The following DLG2 variants were observed in gnomAD, a reference collection of about 807,000 sequenced individuals.
DLG2 encodes the protein discs large MAGUK scaffold protein 2, also known as disks large homolog 2.
DLG2 carries 45 observed loss-of-function variants against 132.5 expected under a neutral mutation model. The observed-to-expected ratio is 0.34, with a 90% confidence interval of 0.27 to 0.44. The LOEUF is 0.44. DLG2 is among the 20% of genes least tolerant of loss of function. The pLI is 1.00. For missense variants in DLG2, 1,045 were observed against 1,196.9 expected (o/e 0.87, Z 1.87); for synonymous variants, 424 against 419.6 (o/e 1.01, Z -0.13).
chr11:85,320,607 T>C (rs1278285951), intron 3 of DLG2, among the ~76,000 whole-genome samples: 1 of 151,644 alleles, frequency 6.6e-6, no homozygotes, highest in African/African-American at 2.4e-5. Context: ...TGGAGAAAAA[T>C]TCAAGAGGTG....
chr11:84,131,386 G>A (rs756144354), intron 9 of DLG2, among the ~76,000 whole-genome samples: 10 of 151,950 alleles, frequency 6.6e-5, no homozygotes, highest in Non-Finnish European at 1.5e-4. Context: ...TTGCGTACTT[G>A]TATGAATGTT....
chr11:85,278,110 AT>A (rs2078004721), intron 4 of DLG2, among the ~76,000 whole-genome samples: 1 of 152,226 alleles, frequency 6.6e-6, no homozygotes, highest in Non-Finnish European at 1.5e-5. Flanking sequence ...TTCACTATTT[AT>A]AAAACCTTTC....
chr11:85,441,767 C>A (rs1334800405), intron 3 of DLG2, among the ~76,000 whole-genome samples: 1 of 152,030 alleles, frequency 6.6e-6, no homozygotes, highest in Non-Finnish European at 1.5e-5. Flanking sequence ...GTTCTAGTCC[C>A]TGAGGATATA....
At chr11:84,670,642 T>C (rs764865872) in intron 6 of DLG2, among the ~76,000 whole-genome samples, 7 of 152,156 alleles carry the variant, frequency 4.6e-5, no homozygotes, top group Non-Finnish European at 8.8e-5. Flanking sequence ...TTGTTTTACA[T>C]AAATTGTCAC....
chr11:85,113,093 T>C (rs1386860663), intron 5 of DLG2, among the ~76,000 whole-genome samples: 1 of 152,042 alleles, frequency 6.6e-6, no homozygotes, highest in African/African-American at 2.4e-5. Context: ...AATAAACTTA[T>C]ATCATCAATC....
intron 3 of DLG2, among the ~76,000 whole-genome samples, chr11:85,589,963 T>C (rs1473534573): frequency 6.6e-6 from 1 of 152,170 alleles, no homozygotes; most frequent in Non-Finnish European, 1.5e-5. Flanking sequence ...TTTTTTAATA[T>C]AGTATAATAA....
intron 4 of DLG2, among the ~76,000 whole-genome samples, chr11:85,220,637 A>AAAAAAATATAT (rs371263007): frequency 8.8e-5 from 13 of 148,314 alleles, no homozygotes; most frequent in African/African-American, 2.5e-4. Context: ...TAGAAAAAAA[A>AAAAAAATATAT]ATATATATAT....
intron 6 of DLG2, among the ~76,000 whole-genome samples, chr11:84,832,966 C>T (rs998650360): frequency 2.0e-5 from 3 of 151,444 alleles, no homozygotes; most frequent in Non-Finnish European, 4.4e-5. Flanking sequence ...AGATGAAGAA[C>T]GAGAGTTGTA....
At chr11:83,932,927 T>C (rs1231796445) in intron 14 of DLG2, among the ~76,000 whole-genome samples, 1 of 152,158 alleles carries the variant, frequency 6.6e-6, no homozygotes, top group Non-Finnish European at 1.5e-5. Flanking sequence ...ATAGGTTTCT[T>C]GTGCGTTTGA....
At chr11:85,471,231 T>A (rs1317395229) in intron 3 of DLG2, among the ~76,000 whole-genome samples, 1 of 152,234 alleles carries the variant, frequency 6.6e-6, no homozygotes, top group African/African-American at 2.4e-5. Flanking sequence ...GTTATTGATG[T>A]AAGAAATAAT....
intron 3 of DLG2, among the ~76,000 whole-genome samples, chr11:85,426,187 C>T (rs7937460): frequency 1.3e-5 from 2 of 152,170 alleles, no homozygotes; most frequent in African/African-American, 2.4e-5. Flanking sequence ...GGCCTGCCTA[C>T]CTCTGTAGAC....
chr11:84,194,699 G>A (rs1382551738), intron 8 of DLG2, among the ~76,000 whole-genome samples: 1 of 152,190 alleles, frequency 6.6e-6, no homozygotes, highest in East Asian at 1.9e-4. Flanking sequence ...AGTTCTCCAA[G>A]TCTCAACCTG....
intron 6 of DLG2, among the ~76,000 whole-genome samples, chr11:85,008,168 T>C (rs1041590061): frequency 1.3e-5 from 2 of 152,082 alleles, no homozygotes; most frequent in East Asian, 1.9e-4. Context: ...CAAGAGTATA[T>C]AAAACTTTTC....
In DLG2 at chr11:83,994,529, C is replaced by A. The variant is rs983012003; in HGVS notation, c.920-13887G>T. On this transcript the variant is annotated intron_variant, in intron 11 of 27. Transcript: ENST00000376104. ...GGACTATAGGTGAGCACCACTGTAC[C>A]CAGCTTCAAAACTAGTTTTTAAAAT... Among the ~76,000 whole-genome samples the A allele has an allele frequency of 9.9e-5, 15 of 152,054 alleles. 1 individual carries two copies. The highest frequency in any genetic ancestry group is 3.4e-4 in the African/African-American group (14 of 41,416).
chr11:84,920,814 G>A (rs1378271715), intron 6 of DLG2, among the ~76,000 whole-genome samples: 2 of 151,842 alleles, frequency 1.3e-5, no homozygotes, highest in Non-Finnish European at 2.9e-5. Flanking sequence ...AAAATTCTTT[G>A]TTATATTTTA....
chr11:85,109,202 C>T (rs2072307788), intron 6 of DLG2, among the ~76,000 whole-genome samples: 1 of 152,108 alleles, frequency 6.6e-6, no homozygotes, highest in Non-Finnish European at 1.5e-5. Context: ...GCAGAGAAAG[C>T]AGATCGGTAT....
intron 6 of DLG2, among the ~76,000 whole-genome samples, chr11:84,599,230 G>A (rs2099570355): frequency 6.6e-6 from 1 of 152,080 alleles, no homozygotes; most frequent in South Asian, 2.1e-4. Flanking sequence ...GGGTGACAAA[G>A]CAAGACTCCA....
intron 18 of DLG2, among the ~76,000 whole-genome samples, chr11:83,776,076 A>G (rs1282387427): frequency 6.6e-6 from 1 of 152,180 alleles, no homozygotes; most frequent in Admixed American, 6.5e-5. Flanking sequence ...TGGGTGACAG[A>G]GCGAGACTCT....
At chr11:83,567,899 A>G (rs2096735185) in intron 19 of DLG2, among the ~76,000 whole-genome samples, 1 of 152,202 alleles carries the variant, frequency 6.6e-6, no homozygotes, top group African/African-American at 2.4e-5. Context: ...GAAGAATTGA[A>G]GAGAAGCAGT....
Sources: gnomAD v4.1 joint callset for allele counts (sites outside exome capture counted in the v4.1 genomes callset) on GRCh38, gnomAD v4.1.1 for gene constraint, MANE v1.5 for transcripts, NCBI Gene and HGNC (gene_info 2026-07-23, HGNC 2026-07-21) for gene names.